The following TTC28 variants were observed in gnomAD, a reference collection of about 807,000 sequenced individuals.
The protein encoded by TTC28 is tetratricopeptide repeat protein 28.
In TTC28, 61 loss-of-function variants were observed where a neutral mutation model predicts 198.0. The observed-to-expected ratio is 0.31, with a 90% CI of 0.25 to 0.38. TTC28 has a LOEUF of 0.38. Among genes scored for constraint, TTC28 ranks in the 10% least tolerant of loss-of-function variants. The pLI is 1.00. For missense variants in TTC28, 2,678 were observed against 3,164.0 expected (o/e 0.85, Z 3.69); for synonymous variants, 1,171 against 1,297.8 (o/e 0.90, Z 2.10).
intron 18 of TTC28, 43 bp downstream of exon 18, chr22:27,993,244 T>C: frequency 6.9e-7 from 1 of 1,450,974 alleles, no homozygotes. Context: ...TTCCACCTGC[T>C]GTCAGCCAGG....
intron 5 of TTC28, among the ~76,000 whole-genome samples, chr22:28,216,051 C>T (rs1927373353): frequency 6.6e-6 from 1 of 152,170 alleles, no homozygotes; most frequent in Non-Finnish European, 1.5e-5. Context: ...TAGGGCTAGG[C>T]ATTTGAGACA....
At chr22:28,403,761 A>G (rs1304634094) in intron 2 of TTC28, among the ~76,000 whole-genome samples, 1 of 152,142 alleles carries the variant, frequency 6.6e-6, no homozygotes, top group Non-Finnish European at 1.5e-5. Context: ...GCTATAGGAG[A>G]GTATTAGACA....
chr22:28,297,379 T>C (rs74929608), intron 4 of TTC28, among the ~76,000 whole-genome samples: 3,172 of 151,956 alleles, frequency 0.021, 37 homozygotes, highest in Non-Finnish European at 0.029. Context: ...CTATTTTTTT[T>C]TTTTTTTAAG....
At chr22:28,434,276 T>C (rs567484971) in intron 2 of TTC28, among the ~76,000 whole-genome samples, 44 of 152,348 alleles carry the variant, frequency 2.9e-4, no homozygotes, top group African/African-American at 9.9e-4. Context: ...AGTAGAATAA[T>C]TCATGCTTGT....
At chr22:28,433,257 CTTTTA>C (rs1235849912) in intron 2 of TTC28, among the ~76,000 whole-genome samples, 3 of 152,080 alleles carry the variant, frequency 2.0e-5, no homozygotes, top group Non-Finnish European at 4.4e-5. Context: ...ACTGTCTTGT[CTTTTA>C]TTTATTTTTT....
intron 13 of TTC28, 151 bp downstream of exon 13, chr22:28,030,075 T>C (rs1212293214): frequency 8.7e-7 from 1 of 1,147,426 alleles, no homozygotes; most frequent in South Asian, 1.6e-5. Flanking sequence ...CTGACGGGCA[T>C]GGGGCTGTGA....
intron 5 of TTC28, among the ~76,000 whole-genome samples, chr22:28,275,772 T>C (rs1269446678): frequency 1.3e-5 from 2 of 150,884 alleles, no homozygotes; most frequent in Non-Finnish European, 3.0e-5. Flanking sequence ...AAAGAGGAAG[T>C]GTTTTTCTAA....
chr22:28,600,275 C>A (rs186232440), intron 2 of TTC28, among the ~76,000 whole-genome samples: 1 of 151,872 alleles, frequency 6.6e-6, no homozygotes, highest in Non-Finnish European at 1.5e-5. Context: ...CATGGTGGCA[C>A]ACGCCTGTAG....
intron 2 of TTC28, among the ~76,000 whole-genome samples, chr22:28,469,824 T>G (rs1228108531): frequency 1.3e-5 from 2 of 152,112 alleles, no homozygotes. Flanking sequence ...TTTATTTCAT[T>G]TATTATTTTA....
chr22:28,158,588 G>C (rs1437467534), intron 6 of TTC28, among the ~76,000 whole-genome samples: 1 of 152,134 alleles, frequency 6.6e-6, no homozygotes, highest in African/African-American at 2.4e-5. Context: ...GAACAGAATA[G>C]AGAACCCAGA....
At chr22:28,327,249 A>T (rs1450784857) in intron 2 of TTC28, among the ~76,000 whole-genome samples, 1 of 152,158 alleles carries the variant, frequency 6.6e-6, no homozygotes, top group Non-Finnish European at 1.5e-5. Flanking sequence ...CCGTACATTC[A>T]CCTAATTATT....
chr22:28,406,587 C>T (rs1283287406), intron 2 of TTC28, among the ~76,000 whole-genome samples: 1 of 152,138 alleles, frequency 6.6e-6, no homozygotes, highest in Non-Finnish European at 1.5e-5. Flanking sequence ...ACTTTGATAA[C>T]ATCTGTTACA....
intron 2 of TTC28, among the ~76,000 whole-genome samples, chr22:28,376,949 T>C (rs1283000751): frequency 6.6e-6 from 1 of 152,030 alleles, no homozygotes; most frequent in Non-Finnish European, 1.5e-5. Context: ...AGGAATGGTC[T>C]TCTCACAAGC....
chr22:28,134,569 G>A (rs1214307466), intron 6 of TTC28, among the ~76,000 whole-genome samples: 3 of 152,188 alleles, frequency 2.0e-5, no homozygotes, highest in Non-Finnish European at 4.4e-5. Flanking sequence ...TTCAGTAGCC[G>A]ATTCGATCAA....
chr22:28,575,931 C>A (rs2050140560), intron 2 of TTC28, among the ~76,000 whole-genome samples: 1 of 152,110 alleles, frequency 6.6e-6, no homozygotes, highest in South Asian at 2.1e-4. Context: ...AATATAAAAT[C>A]ACATCATCTG....
intron 12 of TTC28, among the ~76,000 whole-genome samples, chr22:28,081,494 T>C (rs907758898): frequency 7.0e-5 from 8 of 113,756 alleles, no homozygotes; most frequent in Non-Finnish European, 9.4e-5. Flanking sequence ...GCCACCAGGA[T>C]TTTTTTTTTT....
intron 17 of TTC28, 55 bp from the exon 18 acceptor site, chr22:27,993,573 G>T (rs977297985): frequency 5.4e-5 from 79 of 1,474,524 alleles, no homozygotes; most frequent in Non-Finnish European, 6.8e-5. Flanking sequence ...GTTTCCATCC[G>T]CATGGCTTTG....
At chr22:28,642,269 A>G (rs2051380511) in intron 1 of TTC28, among the ~76,000 whole-genome samples, 1 of 151,992 alleles carries the variant, frequency 6.6e-6, no homozygotes, top group Non-Finnish European at 1.5e-5. Flanking sequence ...TGGGTAATGT[A>G]AAAGTTAAAC....
intron 5 of TTC28, among the ~76,000 whole-genome samples, chr22:28,244,406 A>G (rs1186890227): frequency 1.3e-5 from 2 of 152,210 alleles, no homozygotes; most frequent in Non-Finnish European, 2.9e-5. Flanking sequence ...TGAGGAAAAT[A>G]ATTTACTGAG....
Sources: gnomAD v4.1 joint callset for allele counts (sites outside exome capture counted in the v4.1 genomes callset) on GRCh38, gnomAD v4.1.1 for gene constraint, MANE v1.5 for transcripts, NCBI Gene and HGNC (gene_info 2026-07-23, HGNC 2026-07-21) for gene names.